Variants in SLC46A2 observed in about 807,000 individuals in gnomAD.
The protein encoded by SLC46A2 is solute carrier family 46 member 2, also known as thymic stromal co-transporter.
A neutral mutation model predicts 33.1 loss-of-function variants in SLC46A2; 25 were observed. The observed-to-expected ratio is 0.76, with a 90% confidence interval of 0.55 to 1.06. The LOEUF (loss-of-function observed/expected upper bound fraction) is 1.06, where lower values mean the gene tolerates loss of function less well. Among genes scored for constraint, SLC46A2 ranks in the 50% least tolerant of loss-of-function variants. The pLI is 0.00. For missense variants in SLC46A2, 622 were observed against 621.7 expected (o/e 1.00, Z 0.00); for synonymous variants, 254 against 275.9 (o/e 0.92, Z 0.79).
In SLC46A2 at chr9:112,890,323, C is replaced by A. The variant is rs1170546320; in HGVS notation, c.359G>T (p.Arg120Leu). 4 of 1,613,806 alleles carry A rather than the reference C, an allele frequency of 2.5e-6. No individual in the cohort carries two copies. The Admixed American group carries it at 5.0e-5, about 20-fold the overall frequency. ...CMSLLGFLLS[R>L]LGLLLKVLLD... ...CAGCACCTTGAGCAGCAGCCCGAGG[C>A]GGGAGAGCAGGAAGCCCAGCAGCGA... is the stretch of plus-strand genomic sequence containing the variant. The change falls in exon 1 of 4, where the codon CGC (arginine) becomes CTC (leucine). Residue 120 changes from arginine (R) to leucine (L), a missense_variant. Physicochemically the swap from Arg to Leu is moderately radical, Grantham distance 102. Coordinates refer to ENST00000374228, the MANE Select transcript of SLC46A2 (RefSeq NM_033051.4). The surrounding 1 kb of genome is among the most constrained non-coding windows in gnomAD (Gnocchi z 6.0).
Position 112,890,223 on chromosome 9 carries a change from C to G in SLC46A2, c.459G>C (p.Trp153Cys), listed in dbSNP as rs1408207536. ...NGLFGGFSAF[W>C]SGVMALGSLG... ...GCGATCCCAGCGCCATGACCCCGGA[C>G]CAGAAGGCGGAGAAGCCGCCGAATA... The change falls in exon 1 of 4, where the codon TGG becomes TGC. Residue 153 changes from tryptophan to cysteine, a missense_variant. By Grantham distance (215) the Trp-to-Cys change is radical. Transcript: ENST00000374228. The surrounding 1 kb of genome is among the most constrained non-coding windows in gnomAD (Gnocchi z 6.0). The G allele has an allele frequency of 9.9e-6, 16 of 1,612,974 alleles. No individual in the cohort carries two copies. Among genetic ancestry groups the G allele is most frequent in the Non-Finnish European group, 1.3e-5 (15 of 1,179,914 alleles).
chr9:112,884,789 A>G (rs1366850010), intron 3 of SLC46A2, among the ~76,000 whole-genome samples: 2 of 152,228 alleles, frequency 1.3e-5, no homozygotes. Context: ...TATGACACAC[A>G]TGAACTAGTA....
chr9:112,886,944 G>A (rs1194293073), intron 2 of SLC46A2, among the ~76,000 whole-genome samples: 2 of 152,062 alleles, frequency 1.3e-5, no homozygotes, highest in Non-Finnish European at 2.9e-5. Context: ...GTCCAGGCTG[G>A]TCTTGAACTC....
In SLC46A2 at chr9:112,879,216, T is replaced by C. The variant is rs1046585392; in HGVS notation, c.*546A>G. 2 of 152,280 alleles carry C rather than the reference T, an allele frequency of 1.3e-5. No individual in the cohort carries two copies. Among genetic ancestry groups the C allele is most frequent in the Non-Finnish European group, 2.9e-5 (2 of 68,078 alleles). The allele number at this position is 152,280 out of a possible 1,614,324, so 9.4% of individuals were successfully genotyped here. On this transcript the variant is annotated 3_prime_UTR_variant, in exon 4 of 4. Transcript: ENST00000374228. ...GTAAGGAAGACTCAGGAAAGAAAGC[T>C]GACTTTTTTCAAGGTTTTATTTTAA...
At position 112,889,785 on chromosome 9, in the gene SLC46A2, G is replaced by A. The variant is rs753539221; in HGVS notation, c.897C>T (p.Gly299=). 6.2e-7 allele frequency: 1 copy of A among 1,614,158 alleles called. No individual in the cohort carries two copies. Among genetic ancestry groups the A allele is most frequent in the East Asian group, 2.2e-5 (1 of 44,880 alleles). Residue 299 remains glycine (G), a synonymous_variant, in exon 1 of 4, where the codon GGC becomes GGT. Coordinates refer to ENST00000374228, the MANE Select transcript of SLC46A2 (RefSeq NM_033051.4). ...CAAAAAGAGGGATCACGTCCACTGT[G>A]CCCACCACCGCCAGGTCATATATGA... ...GAIIYDLAVV[G]TVDVIPLFVL...
chr9:112,887,946 T>TGAGTGA (rs1841666432), intron 1 of SLC46A2, among the ~76,000 whole-genome samples: 1 of 139,288 alleles, frequency 7.2e-6, no homozygotes, highest in Non-Finnish European at 1.5e-5. Context: ...TGTGTGTGTG[T>TGAGTGA]GAGAGAGAGA....
intron 3 of SLC46A2, chr9:112,885,518 T>C (rs1841631754): frequency 2.0e-5 from 3 of 151,658 alleles, no homozygotes; most frequent in Non-Finnish European, 4.4e-5. Flanking sequence ...AAGGAAGTGG[T>C]AAAAGGGCCT....
At chr9:112,883,764 C>G (rs1193411640) in intron 3 of SLC46A2, among the ~76,000 whole-genome samples, 2 of 147,626 alleles carry the variant, frequency 1.4e-5, no homozygotes, top group Non-Finnish European at 3.0e-5. Flanking sequence ...GTGGCACGAT[C>G]TCAGCTCACT....
At position 112,890,275 on chromosome 9, in the gene SLC46A2, A is replaced by C. The variant is rs779551456; in HGVS notation, c.407T>G (p.Leu136Arg). The change falls in exon 1 of 4, where the codon CTG (leucine) becomes CGG (arginine). Residue 136 changes from leucine to arginine, a missense_variant. Coordinates refer to ENST00000374228, the MANE Select transcript of SLC46A2 (RefSeq NM_033051.4). The surrounding 1 kb of genome is among the most constrained non-coding windows in gnomAD (Gnocchi z 6.0). ...KVLLDWPVEV[L>R]YGAAALNGLF... ...CCCGTTCAGCGCCGCCGCCCCGTACAGCACCTCCACTGGCCAGTCCAGCAG... is the reference window on the plus strand; with the variant it reads ...CCCGTTCAGCGCCGCCGCCCCGTACCGCACCTCCACTGGCCAGTCCAGCAG... 6 of 1,613,434 alleles carry C rather than the reference A, an allele frequency of 3.7e-6. No homozygotes were observed. Among genetic ancestry groups the C allele is most frequent in the Admixed American group, 1.7e-5 (1 of 60,008 alleles).
chr9:112,879,333 G>A lies in SLC46A2; in HGVS notation c.*429C>T, dbSNP rs529744591. The A allele has an allele frequency of 1.2e-5, 2 of 161,378 alleles. No individual in the cohort carries two copies. The highest frequency in any genetic ancestry group is 4.8e-5 in the African/African-American group (2 of 41,960). The allele number at this position is 161,378 out of a possible 1,614,324, so 10.0% of individuals were successfully genotyped here. ...CAGGCTGTGATAATGCACGCTTTGA[G>A]TTCTCCCATGGGACTTTCAGCACAG... is the stretch of plus-strand genomic sequence containing the variant. On this transcript the variant is annotated 3_prime_UTR_variant, in exon 4 of 4. Coordinates refer to ENST00000374228, the MANE Select transcript of SLC46A2 (RefSeq NM_033051.4).
intron 3 of SLC46A2, among the ~76,000 whole-genome samples, chr9:112,884,011 A>T (rs74307746): frequency 6.6e-6 from 1 of 152,206 alleles, no homozygotes; most frequent in East Asian, 1.9e-4. Context: ...CTGTTTATGA[A>T]GAATGAGGCA....
At position 112,886,585 on chromosome 9, in the gene SLC46A2, C is replaced by A. The variant is rs765574392; in HGVS notation, c.1245G>T (p.Leu415Phe). 1.9e-6 allele frequency: 3 copies of A among 1,613,978 alleles called. No individual in the cohort carries two copies. The highest frequency in any genetic ancestry group is 2.5e-6 in the Non-Finnish European group (3 of 1,179,998). ...GKVFVILQLSLALTGVVTSTL... is the reference protein window; with the variant it reads ...GKVFVILQLSFALTGVVTSTL... Reference sequence around the variant, plus strand: ...TGGATGTCACCACGCCGGTCAGAGCCAAGGACAGCTGCAGTATGACGAACA... The same window carrying A: ...TGGATGTCACCACGCCGGTCAGAGCAAAGGACAGCTGCAGTATGACGAACA... The change falls in exon 3 of 4, where the codon TTG (leucine) becomes TTT (phenylalanine). Residue 415 changes from leucine to phenylalanine, a missense_variant. Coordinates refer to ENST00000374228, the MANE Select transcript of SLC46A2 (RefSeq NM_033051.4).
Position 112,884,652 on chromosome 9 carries a change from G to A in SLC46A2, c.1370+1808C>T, listed in dbSNP as rs558915683. Reference sequence around the variant, plus strand: ...ATTTAAAATCTGGCTTTGTTTGCACGTGTCTCTCTATTGCTAAATGTCTAC... The same window carrying A: ...ATTTAAAATCTGGCTTTGTTTGCACATGTCTCTCTATTGCTAAATGTCTAC... On this transcript the variant is annotated intron_variant, in intron 3 of 3. Coordinates refer to ENST00000374228, the MANE Select transcript of SLC46A2 (RefSeq NM_033051.4). Among the ~76,000 whole-genome samples the A allele has an allele frequency of 3.9e-5, 6 of 152,312 alleles. No individual in the cohort carries two copies. In the South Asian group the frequency reaches 1.0e-3, roughly 26 times the overall value.
chr9:112,881,741 C>T (rs1841580286), intron 3 of SLC46A2: 1 of 152,252 alleles, frequency 6.6e-6, no homozygotes, highest in Non-Finnish European at 1.5e-5. Flanking sequence ...GCCATGGTCT[C>T]TGCCCTCAGG....
Position 112,879,818 on chromosome 9 carries a change from TG to T in SLC46A2, c.1371del (p.Ser457ArgfsTer17). 1 of 1,613,052 alleles carries T rather than the reference TG, an allele frequency of 6.2e-7. No individual in the cohort carries two copies. ...FLSFLAIIPI[S>X]IVAYKQVPLS... ...AATGGGACTTGTTTATAGGCCACGATGCTGTAAGAATTGACCATAGAGAGTT... is the reference window on the plus strand; with the variant it reads ...AATGGGACTTGTTTATAGGCCACGATCTGTAAGAATTGACCATAGAGAGTT... On this transcript the variant is annotated frameshift_variant and splice_region_variant, in exon 4 of 4. Transcript: ENST00000374228. LOFTEE classifies it high-confidence loss of function.
intron 1 of SLC46A2, among the ~76,000 whole-genome samples, chr9:112,888,298 C>CAA (rs929410994): frequency 6.6e-6 from 1 of 151,896 alleles, no homozygotes; most frequent in African/African-American, 2.4e-5. Context: ...CAAAACAAAA[C>CAA]AAAACCCAAA....
intron 3 of SLC46A2, among the ~76,000 whole-genome samples, chr9:112,884,338 A>T (rs531714428): frequency 1.3e-5 from 2 of 152,236 alleles, no homozygotes; most frequent in Non-Finnish European, 2.9e-5. Flanking sequence ...ATTGGAATGT[A>T]GCTTTTCTTC....
intron 1 of SLC46A2, among the ~76,000 whole-genome samples, 199 bp from the exon 2 acceptor site, chr9:112,887,612 A>G (rs1429214694): frequency 1.3e-5 from 2 of 152,148 alleles, no homozygotes; most frequent in East Asian, 1.9e-4. Flanking sequence ...GCTGCTGTGT[A>G]TGCTGCATAT....
Position 112,890,731 on chromosome 9 carries a change from A to C in SLC46A2, c.-50T>G. The C allele has an allele frequency of 6.5e-7, 1 of 1,542,118 alleles. No individual in the cohort carries two copies. Among genetic ancestry groups the C allele is most frequent in the African/African-American group, 1.4e-5 (1 of 72,940 alleles). ...GGGCTTTCTGGCTGCAGTGACAAGG[A>C]TATGCTCCCAAATTCGGCTGCTACG... On this transcript the variant is annotated 5_prime_UTR_variant, in exon 1 of 4. Coordinates refer to ENST00000374228, the MANE Select transcript of SLC46A2 (RefSeq NM_033051.4). The surrounding 1 kb of genome is among the most constrained non-coding windows in gnomAD (Gnocchi z 6.0).
Sources: allele counts gnomAD v4.1 joint callset (sites outside exome capture counted in the v4.1 genomes callset), GRCh38; gene constraint gnomAD v4.1.1; non-coding constraint Gnocchi (gnomAD v3.1); transcripts MANE v1.5; gene names NCBI Gene and HGNC (gene_info 2026-07-23, HGNC 2026-07-21).